MTUS2: variants seen among roughly 807,000 people sequenced by gnomAD.
MTUS2 encodes microtubule associated scaffold protein 2, also known as microtubule-associated tumor suppressor candidate 2.
A neutral mutation model predicts 114.1 loss-of-function variants in MTUS2; 40 were observed. The ratio of observed to expected loss-of-function variants is 0.35; its 90% confidence interval spans 0.27 to 0.46. The LOEUF (loss-of-function observed/expected upper bound fraction) is 0.46, where lower values mean the gene tolerates loss of function less well. MTUS2 is among the 20% of genes least tolerant of loss of function. The pLI, the probability that MTUS2 is intolerant of heterozygous loss-of-function variation, is 1.00. For missense variants in MTUS2, 1,679 were observed against 1,705.4 expected, an observed-to-expected ratio of 0.98 and a Z score of 0.27; for synonymous variants, 688 against 672.0, an observed-to-expected ratio of 1.02 and a Z score of -0.37.
At chr13:29,374,869 T>A (rs1406257825) in intron 8 of MTUS2, among the ~76,000 whole-genome samples, 1 of 152,120 alleles carries the variant, frequency 6.6e-6, no homozygotes, top group Non-Finnish European at 1.5e-5. Context: ...GAGGTTGCAG[T>A]GAGCCGAGAT....
chr13:28,828,623 G>A (rs1300311016), intron 1 of MTUS2, among the ~76,000 whole-genome samples: 2 of 152,024 alleles, frequency 1.3e-5, no homozygotes, highest in Non-Finnish European at 2.9e-5. Context: ...CGGTCCCTCC[G>A]TTCGGGGTCC....
At chr13:28,988,485 C>T (rs1884684640) in intron 2 of MTUS2, among the ~76,000 whole-genome samples, 1 of 152,120 alleles carries the variant, frequency 6.6e-6, no homozygotes, top group Non-Finnish European at 1.5e-5. Context: ...ATTTCTATCC[C>T]TACTGTTCTA....
chr13:29,168,459 C>T (rs576236644), intron 5 of MTUS2, among the ~76,000 whole-genome samples: 4 of 152,296 alleles, frequency 2.6e-5, no homozygotes, highest in African/African-American at 7.2e-5. Flanking sequence ...TTCATATTCT[C>T]ACAAGGAAGA....
chr13:28,923,687 C>T (rs1369425944), intron 2 of MTUS2, among the ~76,000 whole-genome samples: 1 of 152,128 alleles, frequency 6.6e-6, no homozygotes, highest in Non-Finnish European at 1.5e-5. Flanking sequence ...CTTAGTGGTG[C>T]TGTCCAGTGC....
chr13:29,374,269 A>G (rs1871413619), intron 8 of MTUS2, among the ~76,000 whole-genome samples: 1 of 151,558 alleles, frequency 6.6e-6, no homozygotes, highest in Non-Finnish European at 1.5e-5. Context: ...TGTGGTGCAG[A>G]GAAAATATGT....
At chr13:29,198,003 CTTCCG>C (rs1480744338) in intron 5 of MTUS2, among the ~76,000 whole-genome samples, 1 of 152,204 alleles carries the variant, frequency 6.6e-6, no homozygotes, top group Non-Finnish European at 1.5e-5. Flanking sequence ...CAAAAATTTT[CTTCCG>C]TTCTATAGGT....
intron 2 of MTUS2, among the ~76,000 whole-genome samples, chr13:28,956,828 C>T (rs903177674): frequency 6.9e-6 from 1 of 145,876 alleles, no homozygotes; most frequent in Non-Finnish European, 1.5e-5. Flanking sequence ...GGAAGTGTGG[C>T]GGGGACAGAG....
intron 2 of MTUS2, among the ~76,000 whole-genome samples, chr13:28,870,160 A>G (rs949617876): frequency 1.3e-5 from 2 of 152,196 alleles, no homozygotes; most frequent in African/African-American, 2.4e-5. Flanking sequence ...TTGAAACTAT[A>G]TAACACATTG....
At chr13:28,903,797 A>C (rs1879801848) in intron 2 of MTUS2, among the ~76,000 whole-genome samples, 1 of 152,010 alleles carries the variant, frequency 6.6e-6, no homozygotes. Flanking sequence ...TGGCTGGGTC[A>C]AATGGTATTT....
At chr13:29,275,366 T>A (rs539968706) in intron 5 of MTUS2, among the ~76,000 whole-genome samples, 1 of 152,238 alleles carries the variant, frequency 6.6e-6, no homozygotes. Flanking sequence ...ATTCTTTGTG[T>A]TATAAACAAT....
At chr13:29,358,812 A>C (rs1206896225) in intron 7 of MTUS2, among the ~76,000 whole-genome samples, 4 of 152,194 alleles carry the variant, frequency 2.6e-5, no homozygotes, top group African/African-American at 9.7e-5. Context: ...TCACTAGAGC[A>C]GCCTCTACGG....
At chr13:29,314,062 C>G (rs1038804452) in intron 6 of MTUS2, among the ~76,000 whole-genome samples, 1 of 151,948 alleles carries the variant, frequency 6.6e-6, no homozygotes, top group Admixed American at 6.6e-5. Flanking sequence ...TGTGCTCTAC[C>G]AAAGTAAGGA....
chr13:29,478,808 G>A (rs185468705), intron 9 of MTUS2, among the ~76,000 whole-genome samples: 4 of 152,202 alleles, frequency 2.6e-5, no homozygotes, highest in East Asian at 3.9e-4. Context: ...GGAAGCCCTC[G>A]GGTAGGATAG....
chr13:29,404,954 C>T (rs1360658931), intron 8 of MTUS2, among the ~76,000 whole-genome samples: 2 of 152,214 alleles, frequency 1.3e-5, no homozygotes, highest in Admixed American at 6.5e-5. Context: ...ACACTGGAGA[C>T]GTGCAGCGAT....
intron 5 of MTUS2, among the ~76,000 whole-genome samples, chr13:29,235,294 T>G (rs746788998): frequency 6.6e-6 from 1 of 152,098 alleles, no homozygotes; most frequent in African/African-American, 2.4e-5. Flanking sequence ...GGTTTCTCCA[T>G]GTTGGTCAGG....
chr13:29,280,823 C>G (rs568573528), intron 5 of MTUS2, among the ~76,000 whole-genome samples: 3 of 152,132 alleles, frequency 2.0e-5, no homozygotes, highest in Non-Finnish European at 2.9e-5. Context: ...GAAAGACTTA[C>G]CCTTTAACAG....
chr13:29,052,363 C>T (rs925617387), intron 4 of MTUS2, among the ~76,000 whole-genome samples: 26 of 150,920 alleles, frequency 1.7e-4, no homozygotes, highest in African/African-American at 6.1e-4. Context: ...CACCTGTAAT[C>T]CCAGCTACTT....
Position 29,421,053 on chromosome 13 carries a change from C to G in MTUS2, c.3118-18930C>G, listed in dbSNP as rs545743700. ...GCAAAAACACATATGCCATTTCTCT[C>G]TTCTTTTTTCTCTTTTAATTTTCTA... On this transcript the variant is annotated intron_variant, in intron 8 of 15. Coordinates refer to ENST00000612955, the MANE Select transcript of MTUS2 (RefSeq NM_001033602.4). Among the ~76,000 whole-genome samples, 288 of 152,292 alleles carry G rather than the reference C, an allele frequency of 1.9e-3. 1 individual carries two copies. Among genetic ancestry groups the G allele is most frequent in the African/African-American group, 6.6e-3 (275 of 41,566 alleles).
At chr13:29,444,372 A>T (rs545960670) in intron 9 of MTUS2, among the ~76,000 whole-genome samples, 3 of 152,224 alleles carry the variant, frequency 2.0e-5, no homozygotes, top group Non-Finnish European at 2.9e-5. Context: ...GAGAGGTGAC[A>T]GTGAGCCGAG....
Sources: allele counts gnomAD v4.1 joint callset (sites outside exome capture counted in the v4.1 genomes callset), GRCh38; gene constraint gnomAD v4.1.1; transcripts MANE v1.5; gene names NCBI Gene and HGNC (gene_info 2026-07-23, HGNC 2026-07-21).